Variants in HSD17B12 observed in about 807,000 individuals in gnomAD.
HSD17B12 encodes very-long-chain 3-oxoacyl-CoA reductase.
HSD17B12 carries 32 observed loss-of-function variants against 39.3 expected under a neutral mutation model. The ratio of observed to expected loss-of-function variants is 0.81; its 90% CI spans 0.61 to 1.09. The LOEUF (loss-of-function observed/expected upper bound fraction) is 1.09, where lower values mean the gene tolerates loss of function less well. Among genes scored for constraint, HSD17B12 ranks in the 50% least tolerant of loss-of-function variants. The pLI is 0.00. For missense variants in HSD17B12, 342 were observed against 382.9 expected (o/e 0.89, Z 0.89); for synonymous variants, 150 against 146.7 (o/e 1.02, Z -0.16).
At chr11:43,847,049 C>T (rs1442963975) in intron 9 of HSD17B12, among the ~76,000 whole-genome samples, 1 of 150,234 alleles carries the variant, frequency 6.7e-6, no homozygotes, top group African/African-American at 2.5e-5. Context: ...CGAGAAGAAA[C>T]TAAAAAAGAG....
At chr11:43,707,217 A>C (rs1025723405) in intron 1 of HSD17B12, among the ~76,000 whole-genome samples, 1 of 152,264 alleles carries the variant, frequency 6.6e-6, no homozygotes, top group Admixed American at 6.5e-5. Flanking sequence ...CTTTGCTCTC[A>C]TGGAGCCTGC....
the HSD17B12 span, among the ~76,000 whole-genome samples, chr11:43,653,621 A>G: frequency 6.6e-6 from 1 of 151,844 alleles, no homozygotes; most frequent in Non-Finnish European, 1.5e-5. Flanking sequence ...TTATTGTTCT[A>G]TTCCCACCTA....
intron 4 of HSD17B12, among the ~76,000 whole-genome samples, chr11:43,808,200 T>C (rs896102806): frequency 6.6e-6 from 1 of 152,170 alleles, no homozygotes; most frequent in East Asian, 1.9e-4. Flanking sequence ...TGGGCACACA[T>C]GCCCTTCCTT....
At chr11:43,573,254 A>G in the HSD17B12 span, among the ~76,000 whole-genome samples, 1 of 152,222 alleles carries the variant, frequency 6.6e-6, no homozygotes, top group African/African-American at 2.4e-5. Flanking sequence ...CCCTTAGTAC[A>G]GGATGATGAG....
At chr11:43,732,595 C>A (rs1368418028) in intron 1 of HSD17B12, among the ~76,000 whole-genome samples, 2 of 152,020 alleles carry the variant, frequency 1.3e-5, no homozygotes, top group Non-Finnish European at 2.9e-5. Flanking sequence ...TCTCGAGTAG[C>A]TGGGACTACA....
At chr11:43,584,877 A>G in the HSD17B12 span, among the ~76,000 whole-genome samples, 1 of 152,200 alleles carries the variant, frequency 6.6e-6, no homozygotes, top group Non-Finnish European at 1.5e-5. Flanking sequence ...CGCATAAGGC[A>G]TAGGACTTCA....
chr11:43,840,083 A>T lies in HSD17B12; in HGVS notation c.684+19A>T, dbSNP rs747397221. 2.5e-6 allele frequency: 4 copies of T among 1,602,586 alleles called. No individual in the cohort carries two copies. Among genetic ancestry groups the T allele is most frequent in the Non-Finnish European group, 3.4e-6 (4 of 1,172,258 alleles). On this transcript the variant is annotated intron_variant, in intron 9 of 10. Coordinates refer to ENST00000278353, the MANE Select transcript of HSD17B12 (RefSeq NM_016142.3). ...TGTGCAGGTGAGTGGAGTTTGTTTC[A>T]CTTAAGTATCCCTGTTTTTGTGTGG...
At chr11:43,706,689 G>GGTGTGTGTGTGTGT (rs147962977) in intron 1 of HSD17B12, among the ~76,000 whole-genome samples, 4,699 of 137,794 alleles carry the variant, frequency 0.034, 132 homozygotes, top group East Asian at 0.082. Context: ...TGAATGAAGG[G>GGTGTGTGTGTGTGT]GTGTGTGTGT....
At chr11:43,851,384 A>C (rs1951529598) in intron 9 of HSD17B12, among the ~76,000 whole-genome samples, 1 of 152,334 alleles carries the variant, frequency 6.6e-6, no homozygotes, top group African/African-American at 2.4e-5. Flanking sequence ...GGAGAAATCA[A>C]CTAATTATCC....
At chr11:43,724,886 A>G (rs374833927) in intron 1 of HSD17B12, among the ~76,000 whole-genome samples, 1 of 152,218 alleles carries the variant, frequency 6.6e-6, no homozygotes, top group South Asian at 2.1e-4. Context: ...CTAGGGGCAC[A>G]TACTTGAGAA....
intron 9 of HSD17B12, among the ~76,000 whole-genome samples, chr11:43,846,493 G>A (rs6485474): frequency 0.65 from 99,437 of 151,940 alleles, 32,879 homozygotes; most frequent in East Asian, 0.76. Context: ...GCGAAATCCC[G>A]TCTCTCCTAA....
the HSD17B12 span, among the ~76,000 whole-genome samples, chr11:43,625,882 A>T: frequency 6.6e-6 from 1 of 151,514 alleles, no homozygotes; most frequent in Non-Finnish European, 1.5e-5. Flanking sequence ...CTAAATTTTA[A>T]TATGAAGTAT....
At chr11:43,651,033 G>A in the HSD17B12 span, among the ~76,000 whole-genome samples, 5 of 152,292 alleles carry the variant, frequency 3.3e-5, no homozygotes, top group African/African-American at 7.2e-5. Flanking sequence ...GGAGAGTAAT[G>A]TGCTATGCAT....
the HSD17B12 span, among the ~76,000 whole-genome samples, chr11:43,658,091 G>A: frequency 1.8e-4 from 28 of 152,196 alleles, no homozygotes; most frequent in Middle Eastern, 3.4e-3. Context: ...GGCTTTGTTC[G>A]TTTCTTTTTA....
At chr11:43,611,460 G>A in the HSD17B12 span, among the ~76,000 whole-genome samples, 2 of 152,274 alleles carry the variant, frequency 1.3e-5, no homozygotes, top group African/African-American at 4.8e-5. Context: ...GGCCAGTTCT[G>A]TAGCAGCAGA....
At chr11:43,624,606 A>G in the HSD17B12 span, among the ~76,000 whole-genome samples, 1 of 151,876 alleles carries the variant, frequency 6.6e-6, no homozygotes, top group Admixed American at 6.6e-5. Flanking sequence ...TAAAATAACA[A>G]TCAAGCTATG....
At chr11:43,840,152 C>A in intron 9 of HSD17B12, 88 bp downstream of exon 9, 1 of 1,033,210 alleles carries the variant, frequency 9.7e-7, no homozygotes, top group South Asian at 1.4e-5. Context: ...CAAAAAAAAT[C>A]ATATTCCTAA....
intron 3 of HSD17B12, among the ~76,000 whole-genome samples, chr11:43,754,599 T>C (rs1360401535): frequency 1.3e-5 from 2 of 152,004 alleles, no homozygotes; most frequent in Non-Finnish European, 2.9e-5. Flanking sequence ...ACAAAAAAAG[T>C]TTTTTAAAAA....
chr11:43,722,176 A>G (rs967801117), intron 1 of HSD17B12, among the ~76,000 whole-genome samples: 5 of 152,234 alleles, frequency 3.3e-5, no homozygotes, highest in African/African-American at 1.2e-4. Flanking sequence ...CGAAGTGGGA[A>G]TTGAGAGTTT....
Sources: allele counts gnomAD v4.1 joint callset (sites outside exome capture counted in the v4.1 genomes callset), GRCh38; gene constraint gnomAD v4.1.1; transcripts MANE v1.5; gene names NCBI Gene and HGNC (gene_info 2026-07-23, HGNC 2026-07-21).